Variants in WDR72 observed in about 807,000 individuals in gnomAD.
The protein encoded by WDR72 is WD repeat-containing protein 72.
WDR72 carries 120 observed loss-of-function variants against 124.2 expected under a neutral mutation model. The ratio of observed to expected loss-of-function variants is 0.97; its 90% CI spans 0.83 to 1.12. The LOEUF is 1.12. Among genes scored for constraint, WDR72 ranks in the 50% most tolerant of loss-of-function variants. The probability of loss-of-function intolerance (pLI) is 0.00; values close to 1 mark genes in which losing one functional copy is unlikely to be tolerated. For synonymous variants in WDR72, 452 were observed against 441.7 expected, an observed-to-expected ratio of 1.02 and a Z score of -0.29; for missense variants, 1,387 against 1,278.8, an observed-to-expected ratio of 1.08 and a Z score of -1.29.
At chr15:53,617,690 T>G (rs2013824546) in intron 14 of WDR72, among the ~76,000 whole-genome samples, 1 of 151,666 alleles carries the variant, frequency 6.6e-6, no homozygotes, top group Non-Finnish European at 1.5e-5. Flanking sequence ...ATATGAAAAA[T>G]TTTTACTACA....
At chr15:53,521,065 C>CTGTG (rs1595724212) in intron 19 of WDR72, among the ~76,000 whole-genome samples, 1 of 152,208 alleles carries the variant, frequency 6.6e-6, no homozygotes, top group East Asian at 1.9e-4. Context: ...AGGCTGACAG[C>CTGTG]TGTGTCAGGA....
At chr15:53,556,323 C>G (rs1284816114) in intron 18 of WDR72, among the ~76,000 whole-genome samples, 1 of 152,090 alleles carries the variant, frequency 6.6e-6, no homozygotes, top group Non-Finnish European at 1.5e-5. Flanking sequence ...ATTGTTAGAA[C>G]TAAAGGTTTG....
chr15:53,654,832 C>T (rs1423617001), intron 14 of WDR72, among the ~76,000 whole-genome samples: 1 of 152,138 alleles, frequency 6.6e-6, no homozygotes, highest in African/African-American at 2.4e-5. Context: ...TTACTAATTC[C>T]ATCCTTGTTA....
intron 5 of WDR72, 25 bp downstream of exon 5, chr15:53,715,168 C>G: frequency 2.5e-6 from 4 of 1,611,654 alleles, no homozygotes; most frequent in Non-Finnish European, 3.4e-6. Context: ...AATCTCTCTA[C>G]TGTCAGATAA....
At chr15:53,548,720 T>A (rs1051242529) in intron 18 of WDR72, among the ~76,000 whole-genome samples, 3 of 152,038 alleles carry the variant, frequency 2.0e-5, no homozygotes, top group African/African-American at 7.2e-5. Context: ...ATTTAGTAGT[T>A]TATAAGTGTT....
chr15:53,714,181 C>CTGTG (rs147902451), intron 6 of WDR72, among the ~76,000 whole-genome samples: 9,928 of 150,294 alleles, frequency 0.066, 370 homozygotes, highest in East Asian at 0.087. Flanking sequence ...TGTAATCTTT[C>CTGTG]TGTGTGTGTG....
intron 1 of WDR72, among the ~76,000 whole-genome samples, chr15:53,757,562 G>A (rs995205858): frequency 6.6e-6 from 1 of 152,022 alleles, no homozygotes; most frequent in East Asian, 1.9e-4. Context: ...ACCAGAGGGT[G>A]CAGTGAGCCG....
intron 18 of WDR72, among the ~76,000 whole-genome samples, chr15:53,564,219 GAATTGCTCAATCTGAT>G (rs1894221090): frequency 6.6e-6 from 1 of 151,776 alleles, no homozygotes; most frequent in Admixed American, 6.6e-5. Context: ...GGCATGGCTA[GAATTGCTCAATCTGAT>G]AATTGATTTT....
intron 18 of WDR72, among the ~76,000 whole-genome samples, chr15:53,560,726 A>G (rs1401100650): frequency 1.3e-5 from 2 of 151,870 alleles, no homozygotes; most frequent in East Asian, 3.9e-4. Context: ...TTTGCTAAGG[A>G]GTTTAACAGC....
chr15:53,562,569 A>G (rs976234987), intron 18 of WDR72, among the ~76,000 whole-genome samples: 1 of 151,814 alleles, frequency 6.6e-6, no homozygotes, highest in East Asian at 1.9e-4. Context: ...GGCTCTTATG[A>G]TGTTACCTGC....
At chr15:53,733,411 A>G (rs2018261273) in intron 1 of WDR72, among the ~76,000 whole-genome samples, 2 of 152,188 alleles carry the variant, frequency 1.3e-5, no homozygotes, top group Admixed American at 1.3e-4. Context: ...GAAGAGAAAG[A>G]AAGGAATGGT....
chr15:53,731,060 G>A (rs1461417), intron 2 of WDR72, among the ~76,000 whole-genome samples: 18,528 of 152,116 alleles, frequency 0.12, 1,476 homozygotes, highest in Middle Eastern at 0.19. Flanking sequence ...ACATTCATAC[G>A]AATCAATAAC....
At chr15:53,597,858 G>A (rs901028500) in intron 17 of WDR72, among the ~76,000 whole-genome samples, 7 of 152,042 alleles carry the variant, frequency 4.6e-5, no homozygotes, top group African/African-American at 9.7e-5. Flanking sequence ...TTCGAAGGGC[G>A]GGGGGAAAGG....
intron 18 of WDR72, among the ~76,000 whole-genome samples, chr15:53,572,165 T>C (rs1373252579): frequency 6.6e-6 from 1 of 152,202 alleles, no homozygotes. Flanking sequence ...ATTCTGTAGG[T>C]TGTCTTCACT....
intron 13 of WDR72, among the ~76,000 whole-genome samples, chr15:53,694,870 A>C (rs1303578751): frequency 6.6e-6 from 1 of 152,192 alleles, no homozygotes; most frequent in Non-Finnish European, 1.5e-5. Context: ...AACAATCATC[A>C]TTCTCAGGGG....
chr15:53,722,972 A>C, intron 2 of WDR72, 64 bp from the exon 3 acceptor site: 2 of 1,414,802 alleles, frequency 1.4e-6, no homozygotes, highest in Non-Finnish European at 2.0e-6. Context: ...AAACACCACA[A>C]TATAGTATTC....
At chr15:53,732,640 G>A (rs1335105441) in intron 2 of WDR72, among the ~76,000 whole-genome samples, 1 of 152,098 alleles carries the variant, frequency 6.6e-6, no homozygotes, top group Non-Finnish European at 1.5e-5. Flanking sequence ...TTTCAAGGGT[G>A]CCCTTTGTTT....
chr15:53,649,311 TA>T (rs2015150406), intron 14 of WDR72, among the ~76,000 whole-genome samples: 1 of 152,154 alleles, frequency 6.6e-6, no homozygotes, highest in Non-Finnish European at 1.5e-5. Flanking sequence ...AAATATTTGA[TA>T]ACTGATCCTT....
At chr15:53,553,753 A>G (rs1042991264) in intron 18 of WDR72, among the ~76,000 whole-genome samples, 1 of 152,170 alleles carries the variant, frequency 6.6e-6, no homozygotes, top group African/African-American at 2.4e-5. Flanking sequence ...TAGATAACGG[A>G]TGTAGAAGTA....
Sources: allele counts gnomAD v4.1 joint callset (sites outside exome capture counted in the v4.1 genomes callset), GRCh38; gene constraint gnomAD v4.1.1; transcripts MANE v1.5; gene names NCBI Gene and HGNC (gene_info 2026-07-23, HGNC 2026-07-21).